The following SPTAN1 variants were observed in gnomAD, a reference collection of about 807,000 sequenced individuals.
The protein encoded by SPTAN1 is spectrin alpha, non-erythrocytic 1.
Under a neutral mutation model 331.3 loss-of-function variants are expected in SPTAN1, and 61 were observed. The observed-to-expected ratio is 0.18, with a 90% CI of 0.15 to 0.23. SPTAN1 has a LOEUF of 0.23. SPTAN1 is among the 10% of genes least tolerant of loss of function. The pLI is 1.00. For synonymous variants in SPTAN1, 1,153 were observed against 1,173.9 expected, an observed-to-expected ratio of 0.98 and a Z score of 0.36; for missense variants, 2,043 against 3,147.9, an observed-to-expected ratio of 0.65 and a Z score of 8.40.
At position 128,613,491 on chromosome 9, in the gene SPTAN1, CA is replaced by C. The variant is rs1434537693; in HGVS notation, c.5148+9del. On this transcript the variant is annotated splice_region_variant and intron_variant, in intron 40 of 56. Coordinates refer to ENST00000372739, the MANE Select transcript of SPTAN1 (RefSeq NM_001130438.3). ...CAGATATATCTGCCCATGAGGTAAG[CA>C]AAGGGAGGCGGGCCAGGCCCGAGTG... 6.2e-7 allele frequency: 1 copy of C among 1,613,022 alleles called. No individual in the cohort carries two copies. Among genetic ancestry groups the C allele is most frequent in the Non-Finnish European group, 8.5e-7 (1 of 1,179,412 alleles).
chr9:128,630,594 A>G (rs903020975), intron 52 of SPTAN1: 1 of 515,876 alleles, frequency 1.9e-6, no homozygotes, highest in Non-Finnish European at 3.5e-6. Flanking sequence ...CAGTGGTGCG[A>G]TATTGGCTCA....
chr9:128,626,755 C>T, intron 49 of SPTAN1, 68 bp downstream of exon 49: 5 of 1,430,838 alleles, frequency 3.5e-6, no homozygotes, highest in Non-Finnish European at 4.7e-6. Flanking sequence ...TGCTCAGAGC[C>T]CACACTTAAC....
chr9:128,563,846 T>A (rs1011141335), intron 1 of SPTAN1, among the ~76,000 whole-genome samples: 1 of 151,628 alleles, frequency 6.6e-6, no homozygotes, highest in African/African-American at 2.4e-5. Context: ...CCATATTACC[T>A]AGGCTGTTCT....
chr9:128,609,355 C>A, intron 36 of SPTAN1, 71 bp downstream of exon 36: 1 of 1,601,698 alleles, frequency 6.2e-7, no homozygotes, highest in Non-Finnish European at 8.5e-7. Context: ...TTAAATAAAG[C>A]ATTTATAAAA....
intron 52 of SPTAN1, 144 bp downstream of exon 52, chr9:128,630,519 C>T: frequency 1.4e-6 from 1 of 714,600 alleles, no homozygotes; most frequent in East Asian, 2.7e-5. Flanking sequence ...GTCTAGGGCT[C>T]TTCACTATCT....
At chr9:128,556,874 AT>A (rs1455680561) in intron 1 of SPTAN1, among the ~76,000 whole-genome samples, 1 of 152,202 alleles carries the variant, frequency 6.6e-6, no homozygotes, top group African/African-American at 2.4e-5. Flanking sequence ...ATTTTGTTTG[AT>A]CTGAGAATCA....
intron 21 of SPTAN1, among the ~76,000 whole-genome samples, chr9:128,589,962 G>A (rs576155124): frequency 3.5e-4 from 54 of 152,188 alleles, no homozygotes; most frequent in Non-Finnish European, 6.6e-4. Flanking sequence ...CACAGGCTTT[G>A]TCTTCTTTAG....
chr9:128,563,459 A>G (rs1271986606), intron 1 of SPTAN1, among the ~76,000 whole-genome samples: 1 of 152,186 alleles, frequency 6.6e-6, no homozygotes, highest in African/African-American at 2.4e-5. Flanking sequence ...GTATACTGCC[A>G]TGTGGTCAAT....
intron 9 of SPTAN1, 151 bp from the exon 10 acceptor site, chr9:128,579,486 T>G: frequency 3.0e-6 from 2 of 670,212 alleles, no homozygotes; most frequent in Middle Eastern, 6.3e-4. Flanking sequence ...CTAGACTGAT[T>G]ATGTATTAGG....
chr9:128,611,495 A>G (rs1589324404), intron 37 of SPTAN1: 2 of 554,104 alleles, frequency 3.6e-6, no homozygotes, highest in East Asian at 3.4e-5. Flanking sequence ...CAGTTCATCT[A>G]CTCCTGAGCT....
Position 128,621,265 on chromosome 9 carries a change from A to G in SPTAN1, c.5832+9A>G, listed in dbSNP as rs1431187706. ...AAGACCTCATTAAGAAGGTGAGTCC[A>G]GCCCATTGGTAAGACCTCCATCGCC... On this transcript the variant is annotated intron_variant, in intron 45 of 56. Coordinates refer to ENST00000372739, the MANE Select transcript of SPTAN1 (RefSeq NM_001130438.3). 6 of 1,611,658 alleles carry G rather than the reference A, an allele frequency of 3.7e-6. No homozygotes were observed. Among genetic ancestry groups the G allele is most frequent in the Admixed American group, 3.3e-5 (2 of 59,908 alleles).
intron 12 of SPTAN1, 182 bp downstream of exon 12, chr9:128,582,074 A>T: frequency 1.6e-6 from 1 of 634,178 alleles, no homozygotes; most frequent in Non-Finnish European, 2.8e-6. Flanking sequence ...TTTATGGAAA[A>T]ATGATTTACT....
chr9:128,556,078 G>A (rs1033536094), intron 1 of SPTAN1, among the ~76,000 whole-genome samples: 16 of 151,942 alleles, frequency 1.1e-4, no homozygotes, highest in South Asian at 2.1e-4. Flanking sequence ...AAAATTAGCC[G>A]GGTGTTGTGG....
intron 19 of SPTAN1, among the ~76,000 whole-genome samples, chr9:128,587,001 A>G (rs909896238): frequency 1.3e-5 from 2 of 151,982 alleles, no homozygotes; most frequent in South Asian, 4.2e-4. Flanking sequence ...TTGTATTTTT[A>G]GGAGAGATGG....
At chr9:128,555,622 T>TTC (rs1554729026) in intron 1 of SPTAN1, among the ~76,000 whole-genome samples, 2 of 122,768 alleles carry the variant, frequency 1.6e-5, no homozygotes, top group Non-Finnish European at 1.6e-5. Context: ...TGCAAAGCCT[T>TTC]TTTTTTTTTT....
intron 31 of SPTAN1, among the ~76,000 whole-genome samples, chr9:128,606,951 C>T (rs78060503): frequency 5.5e-4 from 83 of 152,162 alleles, no homozygotes; most frequent in Middle Eastern, 3.4e-3. Context: ...AACTAATCAC[C>T]CCCTCTTCTC....
At chr9:128,619,859 T>C (rs1158623796) in intron 44 of SPTAN1, among the ~76,000 whole-genome samples, 4 of 152,224 alleles carry the variant, frequency 2.6e-5, no homozygotes, top group Non-Finnish European at 5.9e-5. Flanking sequence ...CCAATGGATC[T>C]GTGGATCAGC....
At chr9:128,581,151 C>T (rs1851892684) in intron 11 of SPTAN1, 92 bp downstream of exon 11, 15 of 1,547,062 alleles carry the variant, frequency 9.7e-6, no homozygotes, top group Non-Finnish European at 1.3e-5. Flanking sequence ...TTTAGGACAT[C>T]AGTACCATGT....
chr9:128,608,514 A>G (rs1242250828), intron 34 of SPTAN1, among the ~76,000 whole-genome samples: 1 of 152,196 alleles, frequency 6.6e-6, no homozygotes, highest in Non-Finnish European at 1.5e-5. Context: ...TGGGTAGGTA[A>G]GGGAATAATG....
Sources: allele counts gnomAD v4.1 joint callset (sites outside exome capture counted in the v4.1 genomes callset), GRCh38; gene constraint gnomAD v4.1.1; transcripts MANE v1.5; gene names NCBI Gene and HGNC (gene_info 2026-07-23, HGNC 2026-07-21).